Variants in MLIP observed in about 807,000 individuals in gnomAD.
MLIP encodes the protein muscular LMNA interacting protein.
In MLIP, 79 loss-of-function variants were observed where a neutral mutation model predicts 84.8. The ratio of observed to expected loss-of-function variants is 0.93; its 90% confidence interval spans 0.78 to 1.12. The LOEUF (loss-of-function observed/expected upper bound fraction) is 1.12. MLIP is among the 50% of genes most tolerant of loss of function. MLIP has a pLI of 0.00. For synonymous variants in MLIP, 504 were observed against 463.0 expected, an observed-to-expected ratio of 1.09 and a Z score of -1.14; for missense variants, 1,257 against 1,160.6, an observed-to-expected ratio of 1.08 and a Z score of -1.21.
chr6:54,195,049 G>A (rs1312408569), intron 10 of MLIP, among the ~76,000 whole-genome samples: 1 of 151,802 alleles, frequency 6.6e-6, no homozygotes, highest in Non-Finnish European at 1.5e-5. Context: ...TATTGCTTTT[G>A]CCCACAATTT....
intron 11 of MLIP, among the ~76,000 whole-genome samples, chr6:54,212,299 G>A (rs908751749): frequency 2.0e-5 from 3 of 152,184 alleles, no homozygotes; most frequent in African/African-American, 4.8e-5. Context: ...CCCGCACAAT[G>A]AGAGTGGAGT....
intron 4 of MLIP, among the ~76,000 whole-genome samples, chr6:54,142,082 A>G (rs1772365609): frequency 6.6e-6 from 1 of 152,244 alleles, no homozygotes; most frequent in African/African-American, 2.4e-5. Flanking sequence ...GCAGAACCAC[A>G]TGTAATTTGG....
chr6:54,019,304 A>C (rs112657273), intron 1 of MLIP, among the ~76,000 whole-genome samples: 26 of 152,286 alleles, frequency 1.7e-4, no homozygotes, highest in Middle Eastern at 3.4e-3. Context: ...GGCAAATTTG[A>C]TTTAGTTAAA....
chr6:54,076,866 C>T (rs1435046960), intron 1 of MLIP, among the ~76,000 whole-genome samples: 3 of 151,654 alleles, frequency 2.0e-5, no homozygotes. Context: ...GAGGCCAGAA[C>T]TTTAAAGGAT....
At chr6:54,194,908 A>G (rs1018592650) in intron 10 of MLIP, among the ~76,000 whole-genome samples, 1 of 151,836 alleles carries the variant, frequency 6.6e-6, no homozygotes, top group African/African-American at 2.4e-5. Flanking sequence ...GAGATTTAAG[A>G]TATTTGTTTG....
chr6:54,106,790 T>C (rs1175607939), upstream of MLIP, among the ~76,000 whole-genome samples: 1 of 152,152 alleles, frequency 6.6e-6, no homozygotes. Context: ...CCAATAATGA[T>C]GTTAATTGTG....
At chr6:54,216,859 T>G (rs1307404245) in intron 11 of MLIP, 19 of 985,300 alleles carry the variant, frequency 1.9e-5, no homozygotes, top group Non-Finnish European at 2.2e-5. Flanking sequence ...TATTTCATAG[T>G]AACATGAGGT....
At chr6:54,245,358 G>T (rs575592626) in intron 12 of MLIP, among the ~76,000 whole-genome samples, 1 of 152,204 alleles carries the variant, frequency 6.6e-6, no homozygotes, top group East Asian at 1.9e-4. Context: ...TAGGGAGAAG[G>T]CTCTAGAGAA....
At chr6:54,110,746 TAGA>T (rs1769390720), upstream of MLIP, among the ~76,000 whole-genome samples, 1 of 152,160 alleles carries the variant, frequency 6.6e-6, no homozygotes, top group African/African-American at 2.4e-5. Context: ...ACTTAGAAAA[TAGA>T]AGTACTGAAA....
intron 1 of MLIP, among the ~76,000 whole-genome samples, chr6:54,078,565 C>G (rs550421444): frequency 5.4e-4 from 82 of 152,148 alleles, no homozygotes; most frequent in Admixed American, 8.5e-4. Context: ...GCCTGGGCAA[C>G]AGAGAGAGAC....
At chr6:54,149,733 C>T (rs1773238953) in intron 5 of MLIP, among the ~76,000 whole-genome samples, 3 of 152,106 alleles carry the variant, frequency 2.0e-5, no homozygotes, top group African/African-American at 7.2e-5. Flanking sequence ...GACCCAACTG[C>T]TTTCACATGA....
chr6:54,062,710 A>G (rs997854566), intron 1 of MLIP, among the ~76,000 whole-genome samples: 5 of 151,666 alleles, frequency 3.3e-5, no homozygotes, highest in Admixed American at 6.6e-5. Context: ...GCTTAATTTT[A>G]ATATCTATTT....
intron 9 of MLIP, among the ~76,000 whole-genome samples, chr6:54,182,274 T>C (rs1255476468): frequency 6.6e-6 from 1 of 152,164 alleles, no homozygotes; most frequent in East Asian, 1.9e-4. Context: ...CAACATAGTT[T>C]TGCTTTCTGC....
At chr6:54,182,647 C>T (rs1777000396) in intron 9 of MLIP, among the ~76,000 whole-genome samples, 1 of 152,162 alleles carries the variant, frequency 6.6e-6, no homozygotes, top group African/African-American at 2.4e-5. Flanking sequence ...ATTCTATTTT[C>T]ATTCTATGAA....
chr6:54,236,103 T>A (rs760046734), intron 12 of MLIP, among the ~76,000 whole-genome samples: 1 of 152,202 alleles, frequency 6.6e-6, no homozygotes, highest in Admixed American at 6.5e-5. Flanking sequence ...CCCTTTGCCA[T>A]AGGGAACTCC....
Position 54,149,046 on chromosome 6 carries a change from C to T in MLIP, c.2218-10C>T, listed in dbSNP as rs747983060. The stretch of plus-strand genomic sequence containing the variant: ...CATCTCTACTCTTGCTTTCTGGTTG[C>T]CCATTCTAGCAATACAAGACCAAGT... On this transcript the variant is annotated splice_polypyrimidine_tract_variant and intron_variant, in intron 4 of 13. Coordinates refer to ENST00000502396, the MANE Select transcript of MLIP (RefSeq NM_001281747.2). 50 of 1,610,710 alleles carry T rather than the reference C, an allele frequency of 3.1e-5. No homozygotes were observed. The highest frequency in any genetic ancestry group is 4.0e-5 in the African/African-American group (3 of 74,778).
At chr6:54,176,199 C>T (rs939256792) in intron 9 of MLIP, among the ~76,000 whole-genome samples, 5 of 151,070 alleles carry the variant, frequency 3.3e-5, no homozygotes, top group Admixed American at 1.3e-4. Flanking sequence ...CTTAGTTTGA[C>T]GTATCTTTCT....
At position 54,137,550 on chromosome 6, in the gene MLIP, C is replaced by G. The variant is rs1187757537; in HGVS notation, c.1481C>G (p.Pro494Arg). The G allele has an allele frequency of 5.2e-6, 8 of 1,536,098 alleles. No individual in the cohort carries two copies. The highest frequency in any genetic ancestry group is 7.0e-6 in the Non-Finnish European group (8 of 1,146,892). ...TTGACCCAGCAATCTTTTCACCTGCCTGTTTTCACCAAGTCTACTCCGCTT... is the reference window on the plus strand; with the variant it reads ...TTGACCCAGCAATCTTTTCACCTGCGTGTTTTCACCAAGTCTACTCCGCTT... ...SELTQQSFHL[P>R]VFTKSTPLSQ... Residue 494 changes from proline to arginine, a missense_variant, in exon 4 of 14, where the codon CCT becomes CGT. Pro to Arg is a moderately radical substitution (Grantham distance 103). Transcript: ENST00000502396.
chr6:54,060,434 A>G (rs1048826786), intron 1 of MLIP, among the ~76,000 whole-genome samples: 2 of 152,182 alleles, frequency 1.3e-5, no homozygotes, highest in African/African-American at 4.8e-5. Flanking sequence ...AAATGTCTTC[A>G]AGGGGCTAGA....
Sources: gnomAD v4.1 joint callset for allele counts (sites outside exome capture counted in the v4.1 genomes callset) on GRCh38, gnomAD v4.1.1 for gene constraint, MANE v1.5 for transcripts, NCBI Gene and HGNC (gene_info 2026-07-23, HGNC 2026-07-21) for gene names.